The following EIF2AK4 variants were observed in gnomAD, a reference collection of about 807,000 sequenced individuals.
The protein encoded by EIF2AK4 is eukaryotic translation initiation factor 2 alpha kinase 4.
A neutral mutation model predicts 211.1 loss-of-function variants in EIF2AK4; 139 were observed. The observed-to-expected ratio is 0.66, with a 90% CI of 0.57 to 0.76. The LOEUF is 0.76. Among genes scored for constraint, EIF2AK4 ranks in the 30% least tolerant of loss-of-function variants. The probability of loss-of-function intolerance (pLI) is 0.00; values close to 1 mark genes in which losing one functional copy is unlikely to be tolerated. For synonymous variants in EIF2AK4, 710 were observed against 751.3 expected, an observed-to-expected ratio of 0.94 and a Z score of 0.90; for missense variants, 1,664 against 2,043.8, an observed-to-expected ratio of 0.81 and a Z score of 3.58.
At chr15:39,973,496 G>A (rs139468934) in intron 10 of EIF2AK4, 96 bp from the exon 11 acceptor site, 418 of 1,300,504 alleles carry the variant, frequency 3.2e-4, no homozygotes, top group Admixed American at 5.4e-4. Context: ...ACTACTGGTT[G>A]GAGCTCTTCT....
rs2140948872 is a variant in EIF2AK4 at position 40,026,099 on chromosome 15, G to T, written c.4502+10G>T. On this transcript the variant is annotated intron_variant, in intron 33 of 38. Coordinates refer to ENST00000263791, the MANE Select transcript of EIF2AK4 (RefSeq NM_001013703.4). ...ATGAAAGGAATGGCAGGTAACTTAGGAAACAAAAGCCGAGAAAAGTGACTT... is the reference window on the plus strand; with the variant it reads ...ATGAAAGGAATGGCAGGTAACTTAGTAAACAAAAGCCGAGAAAAGTGACTT... The T allele has an allele frequency of 6.2e-7, 1 of 1,611,702 alleles. No individual in the cohort carries two copies. The highest frequency in any genetic ancestry group is 1.7e-5 in the Admixed American group (1 of 59,834).
intron 24 of EIF2AK4, 45 bp from the exon 25 acceptor site, chr15:40,007,982 T>C (rs773054170): frequency 1.4e-4 from 200 of 1,381,616 alleles, no homozygotes; most frequent in Non-Finnish European, 1.8e-4. Flanking sequence ...TACATATTTC[T>C]TTCTAGTAAG....
chr15:40,029,596 C>G (rs964925840), intron 34 of EIF2AK4, 132 bp downstream of exon 34: 1 of 873,386 alleles, frequency 1.1e-6, no homozygotes, highest in African/African-American at 1.7e-5. Flanking sequence ...AATTGTACCA[C>G]ATGGGATGCA....
Position 40,020,943 on chromosome 15 carries a change from G to T in EIF2AK4, c.4218G>T (p.Gln1406His), listed in dbSNP as rs55721315. Residue 1406 changes from glutamine (Q) to histidine (H), a missense_variant, in exon 31 of 39, where the codon CAG (glutamine) becomes CAT (histidine). By Grantham distance (24) the Gln-to-His change is conservative. Transcript: ENST00000263791. ...ACCTCCTGGTTGTAAGTGTTGGCCAGATGTCTATGTCCAGGGCCATCAACC... is the reference window on the plus strand; with the variant it reads ...ACCTCCTGGTTGTAAGTGTTGGCCATATGTCTATGTCCAGGGCCATCAACC... ...SCDLLVVSVG[Q>H]MSMSRAINLT... The T allele has an allele frequency of 2.8e-4, 455 of 1,613,140 alleles. 2 individuals are homozygous for T. In the East Asian group the frequency reaches 8.3e-3, roughly 29 times the overall value.
At position 39,935,454 on chromosome 15, in the gene EIF2AK4, C is replaced by G. The variant is rs933115399; in HGVS notation, c.144+1115C>G. ...AAGCAATCCTTCTGCCTCAGCCTGTCAAGTACCTGGGACTACAGGCACATG... is the reference window on the plus strand; with the variant it reads ...AAGCAATCCTTCTGCCTCAGCCTGTGAAGTACCTGGGACTACAGGCACATG... On this transcript the variant is annotated intron_variant, in intron 1 of 38. Transcript: ENST00000263791. Among the ~76,000 whole-genome samples the G allele has an allele frequency of 1.2e-4, 18 of 152,022 alleles. No individual in the cohort carries two copies. The East Asian group carries it at 3.5e-3, about 29-fold the overall frequency.
At chr15:40,026,754 C>T (rs904272329) in intron 33 of EIF2AK4, among the ~76,000 whole-genome samples, 14 of 152,144 alleles carry the variant, frequency 9.2e-5, no homozygotes, top group African/African-American at 2.7e-4. Flanking sequence ...AAAGATGTAA[C>T]GTTCTGGGAA....
chr15:40,017,503 A>ATATATATATATATATATG (rs2035320269), intron 29 of EIF2AK4, among the ~76,000 whole-genome samples: 1 of 10,840 alleles, frequency 9.2e-5, no homozygotes, highest in African/African-American at 4.2e-4. Flanking sequence ...CTCTGTTTCT[A>ATATATATATATATATATG]TATATATATA....
At position 40,035,235 on chromosome 15, in the gene EIF2AK4, C is replaced by A; in HGVS notation, c.*151C>A. The A allele has an allele frequency of 2.0e-6, 1 of 506,170 alleles. No homozygotes were observed. Among genetic ancestry groups the A allele is most frequent in the Non-Finnish European group, 3.2e-6 (1 of 312,958 alleles). 31.4% of individuals were successfully genotyped at this position (506,170 alleles called of 1,614,324 possible). A position where few individuals can be genotyped will look rare whatever the true frequency, so the allele number is the denominator to read the frequency against. ...CTTTAATCCCAGCACTTTGGGAAGCCAAGGCAGGAAGACTGCTTGAAACCA... is the reference window on the plus strand; with the variant it reads ...CTTTAATCCCAGCACTTTGGGAAGCAAAGGCAGGAAGACTGCTTGAAACCA... On this transcript the variant is annotated 3_prime_UTR_variant, in exon 39 of 39. Transcript: ENST00000263791.
intron 18 of EIF2AK4, among the ~76,000 whole-genome samples, chr15:39,993,219 T>G (rs28429948): frequency 1.1e-4 from 17 of 151,616 alleles, no homozygotes; most frequent in East Asian, 5.8e-4. Context: ...CATCCATCCA[T>G]CCAGCCATCC....
At chr15:39,992,928 C>A in intron 18 of EIF2AK4, 80 bp downstream of exon 18, 2 of 1,355,900 alleles carry the variant, frequency 1.5e-6, no homozygotes, top group East Asian at 2.3e-5. Context: ...GATTTAGTCC[C>A]GGCTAAAATA....
intron 18 of EIF2AK4, among the ~76,000 whole-genome samples, chr15:39,996,469 C>T (rs972654695): frequency 1.2e-4 from 18 of 152,264 alleles, no homozygotes; most frequent in African/African-American, 4.1e-4. Context: ...CTTTAGGAGG[C>T]CAAGGTGGGT....
At chr15:39,999,889 A>C (rs16970164) in intron 20 of EIF2AK4, among the ~76,000 whole-genome samples, 13,387 of 152,174 alleles carry the variant, frequency 0.088, 1,095 homozygotes, top group East Asian at 0.23. Context: ...CAGGAACTAT[A>C]CAAACCATTT....
chr15:39,979,701 A>G (rs964981473), intron 13 of EIF2AK4, among the ~76,000 whole-genome samples: 1 of 152,192 alleles, frequency 6.6e-6, no homozygotes, highest in Non-Finnish European at 1.5e-5. Flanking sequence ...TATAGACAGG[A>G]GTTCTGTGGA....
In EIF2AK4 at chr15:39,998,940, A is replaced by G. The variant is rs533470689; in HGVS notation, c.2922+156A>G. Among the ~76,000 whole-genome samples the G allele has an allele frequency of 3.3e-5, 5 of 152,296 alleles. No homozygotes were observed. The East Asian group carries it at 9.6e-4, about 29-fold the overall frequency. ...GAAAAGATGAAGCACTTAAAATGTC[A>G]TTAGACTTGAACTACACCATAAAAA... On this transcript the variant is annotated intron_variant, in intron 20 of 38. Coordinates refer to ENST00000263791, the MANE Select transcript of EIF2AK4 (RefSeq NM_001013703.4).
chr15:39,949,160 C>T lies in EIF2AK4; in HGVS notation c.405C>T (p.Ser135=), dbSNP rs756692952. ...CTTACCACGTGCAGTCATTTCTCAG[C>T]GAGCATAACAAGCCCCCTCCCAAGT... The part of the protein sequence containing the change: ...ELAYHVQSFL[S]EHNKPPPKSF... Residue 135 remains serine, a synonymous_variant, in exon 4 of 39, where the codon AGC becomes AGT. Coordinates refer to ENST00000263791, the MANE Select transcript of EIF2AK4 (RefSeq NM_001013703.4). 3.9e-5 allele frequency: 63 copies of T among 1,613,854 alleles called. No individual in the cohort carries two copies. Among genetic ancestry groups the T allele is most frequent in the South Asian group, 1.3e-4 (12 of 91,084 alleles).
chr15:40,026,169 T>A, intron 33 of EIF2AK4, 80 bp downstream of exon 33: 3 of 1,335,058 alleles, frequency 2.2e-6, no homozygotes, highest in Non-Finnish European at 3.1e-6. Context: ...TAAAAGTCAA[T>A]TTGAGCCAGG....
chr15:39,985,361 A>G (rs1460854871), intron 13 of EIF2AK4, among the ~76,000 whole-genome samples: 1 of 152,030 alleles, frequency 6.6e-6, no homozygotes, highest in East Asian at 1.9e-4. Context: ...ATGATGCTGG[A>G]CTCATAAAAA....
chr15:39,979,712 G>A (rs2034753395), intron 13 of EIF2AK4, among the ~76,000 whole-genome samples: 1 of 152,130 alleles, frequency 6.6e-6, no homozygotes, highest in Admixed American at 6.5e-5. Context: ...GTTCTGTGGA[G>A]TATACAAAAT....
chr15:39,976,691 C>A lies in EIF2AK4; in HGVS notation c.2096C>A (p.Ala699Asp). 6.2e-7 allele frequency: 1 copy of A among 1,601,016 alleles called. No homozygotes were observed. ...DTDGLDSVEA[A>D]APPPILSSSV... is the part of the protein sequence containing the mutation. ...GACGGCCTGGACAGCGTAGAGGCCG[C>A]CGCGCCGCCACCCATCCTCAGCAGC... The change falls in exon 12 of 39, where the codon GCC becomes GAC. Residue 699 changes from alanine to aspartate, a missense_variant. By Grantham distance (126) the Ala-to-Asp change is moderately radical. This residue lies in a region of EIF2AK4 where 206 missense variants were observed against 201.9 expected (regional missense o/e 1.02). Transcript: ENST00000263791.
Sources: gnomAD v4.1 joint callset for allele counts (sites outside exome capture counted in the v4.1 genomes callset) on GRCh38, gnomAD v4.1.1 for gene constraint, gnomAD v4.1.1 regional missense constraint, MANE v1.5 for transcripts, NCBI Gene and HGNC (gene_info 2026-07-23, HGNC 2026-07-21) for gene names.